BMP7: variants seen among roughly 807,000 people sequenced by gnomAD.
The protein encoded by BMP7 is osteogenic protein 1.
In BMP7, 12 loss-of-function variants were observed where a neutral mutation model predicts 41.2. That is an observed-to-expected ratio of 0.29 (90% CI 0.19 to 0.47). The LOEUF (loss-of-function observed/expected upper bound fraction) is 0.47. Ranked by LOEUF, BMP7 falls within the 20% of genes least tolerant of loss-of-function variation. The pLI, the probability that BMP7 is intolerant of heterozygous loss-of-function variation, is 0.99. For synonymous variants in BMP7, 248 were observed against 250.0 expected (o/e 0.99, Z 0.07); for missense variants, 467 against 606.0 (o/e 0.77, Z 2.41).
chr20:57,224,379 G>A lies in BMP7; in HGVS notation c.611+3850C>T, dbSNP rs1024893996. On this transcript the variant is annotated intron_variant, in intron 2 of 6. Coordinates refer to ENST00000395863, the MANE Select transcript of BMP7 (RefSeq NM_001719.3). This position sits in a 1 kb window ranked among gnomAD's most constrained non-coding sequence, Gnocchi z 4.8. Reference sequence around the variant, plus strand: ...GATTCTGCTGCCCTGGCTGGCCTTGGCCTCCCAGGGAGGTTCTCAGAGGCC... The same window carrying A: ...GATTCTGCTGCCCTGGCTGGCCTTGACCTCCCAGGGAGGTTCTCAGAGGCC... 6.6e-6 allele frequency among the ~76,000 whole-genome samples: 1 copy of A among 152,200 alleles called. No homozygotes were observed. The highest frequency in any genetic ancestry group is 6.5e-5 in the Admixed American group (1 of 15,286).
At chr20:57,211,804 C>T (rs924070273) in intron 2 of BMP7, among the ~76,000 whole-genome samples, 4 of 152,162 alleles carry the variant, frequency 2.6e-5, no homozygotes, top group African/African-American at 9.7e-5. Context: ...AACAGATCCT[C>T]CCCCAGGCTC....
At chr20:57,209,187 A>G (rs1385203766) in intron 2 of BMP7, among the ~76,000 whole-genome samples, 1 of 149,806 alleles carries the variant, frequency 6.7e-6, no homozygotes, top group African/African-American at 2.4e-5. Flanking sequence ...CAGCCTGGGT[A>G]GCAAGGGCGA....
intron 2 of BMP7, among the ~76,000 whole-genome samples, chr20:57,220,216 C>G (rs1985156995): frequency 6.6e-6 from 1 of 152,186 alleles, no homozygotes; most frequent in Non-Finnish European, 1.5e-5. Flanking sequence ...TTTGGAAGAA[C>G]CTTGAGTATT....
At chr20:57,187,927 C>A (rs559121928) in intron 3 of BMP7, among the ~76,000 whole-genome samples, 4 of 152,102 alleles carry the variant, frequency 2.6e-5, no homozygotes, top group Non-Finnish European at 5.9e-5. Context: ...CCCTTTGTCA[C>A]CAAGTTTGGA....
intron 1 of BMP7, among the ~76,000 whole-genome samples, chr20:57,237,823 G>A (rs140301027): frequency 2.1e-4 from 32 of 152,330 alleles, no homozygotes; most frequent in African/African-American, 6.0e-4. Context: ...CAGCATGGAC[G>A]TGAGAGCCGT....
At chr20:57,222,455 T>C (rs910828788) in intron 2 of BMP7, among the ~76,000 whole-genome samples, 33 of 152,052 alleles carry the variant, frequency 2.2e-4, no homozygotes, top group African/African-American at 7.7e-4. Context: ...TGGGTGGCTT[T>C]TTCCAGAGGG....
chr20:57,241,515 C>A (rs2066069641), intron 1 of BMP7, among the ~76,000 whole-genome samples: 1 of 152,226 alleles, frequency 6.6e-6, no homozygotes, highest in Non-Finnish European at 1.5e-5. Flanking sequence ...ATTGTCTCCC[C>A]TGTTCCTGAA....
Position 57,257,103 on chromosome 20 carries a change from C to T in BMP7, c.418+8602G>A, listed in dbSNP as rs117185343. ...CCTCTCCCAGGGACTCTGCTGCCAC[C>T]AATGTGCAGAACTCCACGCCTCCAC... On this transcript the variant is annotated intron_variant, in intron 1 of 6. Coordinates refer to ENST00000395863, the MANE Select transcript of BMP7 (RefSeq NM_001719.3). Among the ~76,000 whole-genome samples the T allele has an allele frequency of 6.0e-3, 906 of 152,222 alleles. 10 individuals carry two copies. Among genetic ancestry groups the T allele is most frequent in the Non-Finnish European group, 5.6e-3 (379 of 68,016 alleles).
chr20:57,265,074 GA>G (rs10714452), intron 1 of BMP7, among the ~76,000 whole-genome samples: 16,116 of 147,934 alleles, frequency 0.11, 2,086 homozygotes, highest in African/African-American at 0.33. Flanking sequence ...AAAGAAAAAA[GA>G]AAAAAATAAA....
chr20:57,249,054 G>C (rs1211163207), intron 1 of BMP7, among the ~76,000 whole-genome samples: 2 of 151,994 alleles, frequency 1.3e-5, no homozygotes. Context: ...GCCCGCCTCG[G>C]CCTCCCAAAG....
Position 57,171,194 on chromosome 20 carries a change from G to T in BMP7, c.1147-86C>A. On this transcript the variant is annotated intron_variant, in intron 6 of 6. Transcript: ENST00000395863. The surrounding 1 kb of genome is among the most constrained non-coding windows in gnomAD (Gnocchi z 4.5). ...CCACGTTTCTATAAAGAAACATCCT[G>T]TCTGGGCATAATGAATGACTGCAGG... 1 of 1,578,438 alleles carries T rather than the reference G, an allele frequency of 6.3e-7. No individual in the cohort carries two copies. The highest frequency in any genetic ancestry group is 1.1e-5 in the South Asian group (1 of 88,484).
chr20:57,247,390 C>T (rs1289531070), intron 1 of BMP7, among the ~76,000 whole-genome samples: 3 of 152,220 alleles, frequency 2.0e-5, no homozygotes, highest in Non-Finnish European at 4.4e-5. Context: ...TTCCAAGCAA[C>T]ATGTCTTCAC....
chr20:57,206,242 C>G (rs1052046017), intron 2 of BMP7, among the ~76,000 whole-genome samples: 1 of 152,124 alleles, frequency 6.6e-6, no homozygotes, highest in Non-Finnish European at 1.5e-5. Context: ...GGGTGAAAGG[C>G]CCTGAGGAAC....
At chr20:57,222,288 C>T (rs554647330) in intron 2 of BMP7, among the ~76,000 whole-genome samples, 1 of 151,778 alleles carries the variant, frequency 6.6e-6, no homozygotes, top group Non-Finnish European at 1.5e-5. Flanking sequence ...ATAACAGGGA[C>T]AGAGATAAAA....
At chr20:57,177,190 G>A (rs867338757) in intron 4 of BMP7, among the ~76,000 whole-genome samples, 1 of 152,204 alleles carries the variant, frequency 6.6e-6, no homozygotes, top group African/African-American at 2.4e-5. Flanking sequence ...AGAGTGGAAA[G>A]CAGAAAGGAG....
chr20:57,185,255 G>A (rs1327510320), intron 3 of BMP7, among the ~76,000 whole-genome samples: 2 of 152,212 alleles, frequency 1.3e-5, no homozygotes, highest in African/African-American at 4.8e-5. Context: ...TTTTTGTTGT[G>A]AAATGATTAT....
chr20:57,174,883 C>A lies in BMP7; in HGVS notation c.1035+48G>T, dbSNP rs1277515658. The A allele has an allele frequency of 3.2e-6, 5 of 1,575,710 alleles. No homozygotes were observed. Among genetic ancestry groups the A allele is most frequent in the Admixed American group, 1.7e-5 (1 of 58,802 alleles). On this transcript the variant is annotated intron_variant, in intron 5 of 6. Transcript: ENST00000395863. This position sits in a 1 kb window ranked among gnomAD's most constrained non-coding sequence, Gnocchi z 4.3. ...GCACAGACCCGCTGCCTCGTGGGAG[C>A]CCACGCCAGAGGGCCCACACCCAAG...
intron 1 of BMP7, among the ~76,000 whole-genome samples, chr20:57,233,756 T>C (rs2066037365): frequency 6.6e-6 from 1 of 152,196 alleles, no homozygotes; most frequent in Non-Finnish European, 1.5e-5. Context: ...CCAAAGAAAT[T>C]GGCAACCCAC....
intron 2 of BMP7, among the ~76,000 whole-genome samples, chr20:57,221,631 A>G (rs1438698274): frequency 2.0e-5 from 3 of 152,094 alleles, no homozygotes; most frequent in Non-Finnish European, 4.4e-5. Context: ...TGGACAACAC[A>G]GTGAGACCTC....
Sources: gnomAD v4.1 joint callset for allele counts (sites outside exome capture counted in the v4.1 genomes callset) on GRCh38, gnomAD v4.1.1 for gene constraint, Gnocchi (gnomAD v3.1) non-coding constraint, MANE v1.5 for transcripts, NCBI Gene and HGNC (gene_info 2026-07-23, HGNC 2026-07-21) for gene names.